Variants in SDCCAG8 observed in about 807,000 individuals in gnomAD.
The protein encoded by SDCCAG8 is serologically defined colon cancer antigen 8.
SDCCAG8 carries 74 observed loss-of-function variants against 101.8 expected under a neutral mutation model. The ratio of observed to expected loss-of-function variants is 0.73; its 90% CI spans 0.60 to 0.88. The LOEUF (loss-of-function observed/expected upper bound fraction) is 0.88, where lower values mean the gene tolerates loss of function less well. SDCCAG8 is among the 40% of genes least tolerant of loss of function. The pLI is 0.00. For missense variants in SDCCAG8, 787 were observed against 822.6 expected, an observed-to-expected ratio of 0.96 and a Z score of 0.53; for synonymous variants, 281 against 292.9, an observed-to-expected ratio of 0.96 and a Z score of 0.41.
chr1:243,263,601 C>T (rs2067356166), intron 1 of SDCCAG8, among the ~76,000 whole-genome samples: 1 of 152,172 alleles, frequency 6.6e-6, no homozygotes, highest in African/African-American at 2.4e-5. Context: ...ATGCATATAG[C>T]CAATCTCCTG....
chr1:243,311,397 T>C (rs934428118), intron 8 of SDCCAG8, among the ~76,000 whole-genome samples: 1 of 152,070 alleles, frequency 6.6e-6, no homozygotes, highest in Non-Finnish European at 1.5e-5. Context: ...TTCATAGATA[T>C]GCACAGAAAA....
At chr1:243,489,198 C>CTT in intron 17 of SDCCAG8, 58 bp downstream of exon 17, 1 of 1,591,888 alleles carries the variant, frequency 6.3e-7, no homozygotes, top group South Asian at 1.1e-5. Flanking sequence ...ACAGGTGGAT[C>CTT]TTTTATGCAC....
At chr1:243,342,979 CTTG>C (rs2075468823) in intron 11 of SDCCAG8, among the ~76,000 whole-genome samples, 1 of 152,110 alleles carries the variant, frequency 6.6e-6, no homozygotes, top group African/African-American at 2.4e-5. Context: ...GAGACAGGAT[CTTG>C]TTGTATTGTG....
At chr1:243,268,051 C>G in intron 1 of SDCCAG8, 1 of 768,158 alleles carries the variant, frequency 1.3e-6, no homozygotes, top group Non-Finnish European at 2.4e-6. Context: ...TTTCTTTAAG[C>G]CTCTGATCTC....
chr1:243,433,595 T>A (rs772891087), intron 16 of SDCCAG8, among the ~76,000 whole-genome samples: 1 of 152,138 alleles, frequency 6.6e-6, no homozygotes, highest in Non-Finnish European at 1.5e-5. Context: ...TTGGCTGCCC[T>A]TAAAGTGTTT....
rs370951420 is a variant in SDCCAG8 at position 243,378,883 on chromosome 1, T to C, written c.1616+20T>C. 2.7e-5 allele frequency: 44 copies of C among 1,613,906 alleles called. No homozygotes were observed. Among genetic ancestry groups the C allele is most frequent in the Non-Finnish European group, 3.3e-5 (39 of 1,179,932 alleles). ...CACCAGGTACTCCCTAATCCCATTA[T>C]GCGCCATAGCACCGATTTCATTCCA... On this transcript the variant is annotated intron_variant, in intron 13 of 17. Coordinates refer to ENST00000366541, the MANE Select transcript of SDCCAG8 (RefSeq NM_006642.5).
chr1:243,302,979 A>G (rs764303518), intron 6 of SDCCAG8, among the ~76,000 whole-genome samples: 1 of 152,236 alleles, frequency 6.6e-6, no homozygotes, highest in Non-Finnish European at 1.5e-5. Flanking sequence ...CTTTGTCCAA[A>G]TGTGGTGCAT....
intron 4 of SDCCAG8, among the ~76,000 whole-genome samples, chr1:243,285,936 C>T (rs187877845): frequency 6.6e-6 from 1 of 152,274 alleles, no homozygotes; most frequent in East Asian, 1.9e-4. Context: ...AATAATATAT[C>T]TTATTTTTCA....
chr1:243,478,013 T>C (rs191982559), intron 16 of SDCCAG8, among the ~76,000 whole-genome samples: 2 of 152,356 alleles, frequency 1.3e-5, no homozygotes, highest in East Asian at 3.9e-4. Context: ...AGATTGGAAA[T>C]TTTAAAAGAA....
chr1:243,270,338 T>C, intron 2 of SDCCAG8, 81 bp downstream of exon 2: 1 of 1,212,292 alleles, frequency 8.2e-7, no homozygotes, highest in South Asian at 1.3e-5. Context: ...CCATTCATTC[T>C]TCATTCTGCT....
intron 15 of SDCCAG8, among the ~76,000 whole-genome samples, chr1:243,421,262 A>G (rs2080977978): frequency 6.6e-6 from 1 of 152,248 alleles, no homozygotes; most frequent in Non-Finnish European, 1.5e-5. Flanking sequence ...CTAAACAAAT[A>G]GATTCCTACC....
At chr1:243,463,415 A>G (rs1659518573) in intron 16 of SDCCAG8, among the ~76,000 whole-genome samples, 1 of 152,072 alleles carries the variant, frequency 6.6e-6, no homozygotes, top group Non-Finnish European at 1.5e-5. Context: ...AAGACCCAAA[A>G]TGAGAAGAAG....
In SDCCAG8 at chr1:243,339,647, C is replaced by T. The variant is rs182047971; in HGVS notation, c.1222-1392C>T. Among the ~76,000 whole-genome samples the T allele has an allele frequency of 1.3e-3, 195 of 152,228 alleles. 2 individuals are homozygous for T. Among genetic ancestry groups the T allele is most frequent in the African/African-American group, 4.3e-3 (179 of 41,538 alleles). On this transcript the variant is annotated intron_variant, in intron 10 of 17. Transcript: ENST00000366541. ...ACCTTCAGAAAGTTAATTAATATAT[C>T]TGCCTAAATTATTTTCATAGGGTCA...
At chr1:243,287,528 C>T (rs1276753960) in intron 5 of SDCCAG8, among the ~76,000 whole-genome samples, 3 of 151,652 alleles carry the variant, frequency 2.0e-5, no homozygotes, top group Admixed American at 6.6e-5. Flanking sequence ...ATGAAGTGGG[C>T]TAATTAGTAT....
chr1:243,292,651 C>T (rs1057068677), intron 5 of SDCCAG8, among the ~76,000 whole-genome samples: 4 of 152,144 alleles, frequency 2.6e-5, no homozygotes, highest in African/African-American at 9.7e-5. Context: ...TCCCATAGAA[C>T]TGTAATGATT....
chr1:243,453,953 T>G (rs78799035), intron 16 of SDCCAG8, among the ~76,000 whole-genome samples: 42 of 152,310 alleles, frequency 2.8e-4, no homozygotes, highest in African/African-American at 9.9e-4. Flanking sequence ...GATCTTTCTA[T>G]TGGCTTTACA....
At chr1:243,445,084 AT>A (rs2082805092) in intron 16 of SDCCAG8, among the ~76,000 whole-genome samples, 1 of 152,206 alleles carries the variant, frequency 6.6e-6, no homozygotes, top group South Asian at 2.1e-4. Context: ...AAATTTACTT[AT>A]TCTCACATTA....
intron 15 of SDCCAG8, among the ~76,000 whole-genome samples, chr1:243,420,119 G>A (rs2080889295): frequency 6.6e-6 from 1 of 152,218 alleles, no homozygotes; most frequent in South Asian, 2.1e-4. Flanking sequence ...GTTGATGGCT[G>A]ACAGTGTGCA....
chr1:243,318,062 C>G (rs780230452), intron 9 of SDCCAG8: 2 of 456,392 alleles, frequency 4.4e-6, no homozygotes, highest in South Asian at 3.1e-5. Context: ...CAAACGTAAA[C>G]GATGGAATTG....
Sources: gnomAD v4.1 joint callset for allele counts (sites outside exome capture counted in the v4.1 genomes callset) on GRCh38, gnomAD v4.1.1 for gene constraint, MANE v1.5 for transcripts, NCBI Gene and HGNC (gene_info 2026-07-23, HGNC 2026-07-21) for gene names.